The following PDE5A variants were observed in gnomAD, a reference collection of about 807,000 sequenced individuals.
The protein encoded by PDE5A is phosphodiesterase 5A.
A neutral mutation model predicts 110.2 loss-of-function variants in PDE5A; 67 were observed. The ratio of observed to expected loss-of-function variants is 0.61; its 90% CI spans 0.50 to 0.75. PDE5A has a LOEUF of 0.75. Ranked by LOEUF, PDE5A falls within the 30% of genes least tolerant of loss-of-function variation. The pLI is 0.00. For missense variants in PDE5A, 862 were observed against 1,045.1 expected (o/e 0.82, Z 2.42); for synonymous variants, 328 against 351.2 (o/e 0.93, Z 0.74).
chr4:119,556,537 A>G (rs1727546836), intron 7 of PDE5A, among the ~76,000 whole-genome samples: 1 of 152,160 alleles, frequency 6.6e-6, no homozygotes, highest in Non-Finnish European at 1.5e-5. Context: ...GAGTAATAAT[A>G]CTGTGTTCTT....
chr4:119,502,337 C>A (rs186121617), intron 19 of PDE5A: 2 of 303,608 alleles, frequency 6.6e-6, no homozygotes, highest in East Asian at 5.9e-5. Flanking sequence ...AATACTTAAG[C>A]GGAAAAAAAC....
intron 12 of PDE5A, among the ~76,000 whole-genome samples, chr4:119,522,580 T>A (rs1043928926): frequency 6.6e-6 from 1 of 152,070 alleles, no homozygotes; most frequent in Non-Finnish European, 1.5e-5. Context: ...ATACCATATA[T>A]TGTGAAACAA....
At chr4:119,618,624 T>C (rs1730027355) in intron 1 of PDE5A, among the ~76,000 whole-genome samples, 1 of 152,164 alleles carries the variant, frequency 6.6e-6, no homozygotes, top group Non-Finnish European at 1.5e-5. Context: ...TTAGAGACTT[T>C]TTTTTTGTCA....
At chr4:119,612,129 G>A (rs903066478) in intron 1 of PDE5A, among the ~76,000 whole-genome samples, 8 of 152,164 alleles carry the variant, frequency 5.3e-5, no homozygotes, top group Non-Finnish European at 2.9e-5. Flanking sequence ...CCCTAACCCC[G>A]AAGGTGATAG....
chr4:119,527,208 G>A (rs1475737879), intron 11 of PDE5A: 1 of 152,130 alleles, frequency 6.6e-6, no homozygotes, highest in Non-Finnish European at 1.5e-5. Flanking sequence ...AGCCAGCATA[G>A]CTTGTGCCTC....
Position 119,554,776 on chromosome 4 carries a change from T to C in PDE5A, c.1200-1030A>G, listed in dbSNP as rs78353021. Among the ~76,000 whole-genome samples, 199 of 152,174 alleles carry C rather than the reference T, an allele frequency of 1.3e-3. 6 individuals are homozygous for C. The East Asian group carries it at 0.035, about 27-fold the overall frequency. ...TAAAAAATAACATAAATTTAAACAA[T>C]AGTACAACATAACAATTATTTAAAT... On this transcript the variant is annotated intron_variant, in intron 7 of 20. Coordinates refer to ENST00000354960, the MANE Select transcript of PDE5A (RefSeq NM_001083.4).
chr4:119,597,897 T>A (rs1729206715), intron 2 of PDE5A, among the ~76,000 whole-genome samples: 1 of 152,018 alleles, frequency 6.6e-6, no homozygotes, highest in Non-Finnish European at 1.5e-5. Context: ...AATATAAATA[T>A]TTTATATTAT....
At chr4:119,557,198 C>T (rs545439297) in intron 7 of PDE5A, among the ~76,000 whole-genome samples, 2 of 152,300 alleles carry the variant, frequency 1.3e-5, no homozygotes, top group African/African-American at 4.8e-5. Context: ...AGCTAGAGGA[C>T]TTCCCAGCAG....
intron 3 of PDE5A, among the ~76,000 whole-genome samples, chr4:119,575,640 A>C (rs1471660040): frequency 1.3e-5 from 2 of 152,218 alleles, no homozygotes; most frequent in Non-Finnish European, 2.9e-5. Context: ...AAATGCTGAG[A>C]GATTTTGTCA....
intron 7 of PDE5A, among the ~76,000 whole-genome samples, chr4:119,555,551 C>G (rs1205745714): frequency 4.6e-5 from 7 of 151,816 alleles, no homozygotes; most frequent in Admixed American, 4.6e-4. Flanking sequence ...AGGTGACCAC[C>G]AGGAGAATGA....
At chr4:119,584,035 T>A (rs1043741520) in intron 3 of PDE5A, among the ~76,000 whole-genome samples, 1 of 152,192 alleles carries the variant, frequency 6.6e-6, no homozygotes, top group African/African-American at 2.4e-5. Flanking sequence ...CTAGGCAAAC[T>A]GAGATGAGAT....
intron 3 of PDE5A, among the ~76,000 whole-genome samples, chr4:119,573,473 T>C (rs536029433): frequency 6.6e-6 from 1 of 152,348 alleles, no homozygotes; most frequent in African/African-American, 2.4e-5. Context: ...GCTAAGCTGG[T>C]ATCCTCTTCT....
At chr4:119,611,042 C>A (rs1416679284) in intron 1 of PDE5A, among the ~76,000 whole-genome samples, 1 of 152,200 alleles carries the variant, frequency 6.6e-6, no homozygotes, top group East Asian at 1.9e-4. Context: ...CCCATGCCAG[C>A]ATCCTTGGCG....
At chr4:119,502,550 A>ATAAT (rs774472882) in intron 19 of PDE5A, 31 bp downstream of exon 19, 18 of 1,327,548 alleles carry the variant, frequency 1.4e-5, no homozygotes, top group Non-Finnish European at 1.9e-5. Flanking sequence ...AACAATTTGA[A>ATAAT]TAATTCCTAC....
At chr4:119,523,742 C>A (rs1440457548) in intron 12 of PDE5A, among the ~76,000 whole-genome samples, 1 of 152,036 alleles carries the variant, frequency 6.6e-6, no homozygotes, top group Non-Finnish European at 1.5e-5. Flanking sequence ...AGAAATAAAT[C>A]AACTTATATG....
rs1725138199 is a variant in PDE5A at position 119,497,934 on chromosome 4, G to A, written c.*667C>T. 1 of 152,150 alleles carries A rather than the reference G, an allele frequency of 6.6e-6. No individual in the cohort carries two copies. Among genetic ancestry groups the A allele is most frequent in the Admixed American group, 6.6e-5 (1 of 15,262 alleles). The allele number at this position is 152,150 out of a possible 1,614,324, so 9.4% of individuals were successfully genotyped here. The stretch of plus-strand genomic sequence containing the variant: ...TGAGATGAAAGTGATTTTATGGGTA[G>A]CTTTCAGAAAAATGTACTGCACTGA... On this transcript the variant is annotated 3_prime_UTR_variant, in exon 21 of 21. Coordinates refer to ENST00000354960, the MANE Select transcript of PDE5A (RefSeq NM_001083.4).
At chr4:119,619,754 G>A (rs1314505481) in intron 1 of PDE5A, among the ~76,000 whole-genome samples, 2 of 152,132 alleles carry the variant, frequency 1.3e-5, no homozygotes, top group African/African-American at 4.8e-5. Context: ...AAGGAAACAC[G>A]CATTATTTCC....
At chr4:119,528,053 CAA>C (rs3836707) in intron 11 of PDE5A, among the ~76,000 whole-genome samples, 1 of 149,732 alleles carries the variant, frequency 6.7e-6, no homozygotes, top group East Asian at 2.0e-4. Context: ...ATATGGAATG[CAA>C]AAAAAAAATA....
rs1725322421 is a variant in PDE5A, at chr4:119,501,316, T to TTTA, written c.2407-66_2407-64dup. On this transcript the variant is annotated intron_variant, in intron 19 of 20. Transcript: ENST00000354960. ...ATTTATTTATTTAGTTAGTTATTAC[T>TTTA]TTATTATTTTTTGAGATGGAGTCTC... The TTTA allele has an allele frequency of 4.0e-6, 4 of 1,004,332 alleles. No homozygotes were observed. The South Asian group carries it at 4.1e-5, about 10-fold the overall frequency. The allele number at this position is 1,004,332 out of a possible 1,614,324, so 62.2% of individuals were successfully genotyped here. A position where few individuals can be genotyped will look rare whatever the true frequency, so the allele number is the denominator to read the frequency against.
Sources: gnomAD v4.1 joint callset for allele counts (sites outside exome capture counted in the v4.1 genomes callset) on GRCh38, gnomAD v4.1.1 for gene constraint, MANE v1.5 for transcripts, NCBI Gene and HGNC (gene_info 2026-07-23, HGNC 2026-07-21) for gene names.